The following AP3S1 variants were observed in gnomAD, a reference collection of about 807,000 sequenced individuals.
AP3S1 encodes the protein adaptor related protein complex 3 subunit sigma 1.
AP3S1 carries 12 observed loss-of-function variants against 21.3 expected under a neutral mutation model. That is an observed-to-expected ratio of 0.56 (90% CI 0.36 to 0.91). The LOEUF (loss-of-function observed/expected upper bound fraction) is 0.91. AP3S1 is among the 40% of genes least tolerant of loss of function. The pLI is 0.01. For synonymous variants in AP3S1, 48 were observed against 78.4 expected (o/e 0.61, Z 2.05); for missense variants, 116 against 225.0 (o/e 0.52, Z 3.10).
intron 2 of AP3S1, among the ~76,000 whole-genome samples, chr5:115,869,435 T>A (rs1354115871): frequency 1.3e-5 from 2 of 152,194 alleles, no homozygotes; most frequent in Non-Finnish European, 2.9e-5. Context: ...AATTTCCGCC[T>A]ACTTCTCTGA....
At chr5:115,866,035 A>G (rs774889135) in intron 1 of AP3S1, among the ~76,000 whole-genome samples, 1 of 152,084 alleles carries the variant, frequency 6.6e-6, no homozygotes. Flanking sequence ...TGACCTTGTG[A>G]TCCACCCATC....
chr5:115,866,797 G>T, intron 2 of AP3S1, 36 bp downstream of exon 2: 1 of 1,429,868 alleles, frequency 7.0e-7, no homozygotes, highest in South Asian at 1.3e-5. Context: ...TCTAAGTTTT[G>T]ACTATGTGAT....
At chr5:115,851,444 C>A (rs189715852) in intron 1 of AP3S1, among the ~76,000 whole-genome samples, 132 of 152,232 alleles carry the variant, frequency 8.7e-4, no homozygotes, top group Non-Finnish European at 1.6e-3. Flanking sequence ...ACATTCCCAC[C>A]AGCAATGCAC....
rs370563014 is a variant in AP3S1, at chr5:115,879,995, G to C, written c.273+9867G>C. ...CTAGATTTTCTAGTTTATTTGCGTA[G>C]AGTTGTTTATAGTATTCTCTGATGG... On this transcript the variant is annotated intron_variant, in intron 3 of 5. Transcript: ENST00000316788. Among the ~76,000 whole-genome samples the C allele has an allele frequency of 1.8e-4, 27 of 152,338 alleles. No homozygotes were observed. In the East Asian group the frequency reaches 2.7e-3, roughly 15 times the overall value.
chr5:115,874,818 AG>A (rs146748530), intron 3 of AP3S1, among the ~76,000 whole-genome samples: 1 of 151,924 alleles, frequency 6.6e-6, no homozygotes, highest in South Asian at 2.1e-4. Flanking sequence ...TACAGACAAG[AG>A]GTTGTTAGAA....
At chr5:115,861,217 A>T (rs1280785800) in intron 1 of AP3S1, among the ~76,000 whole-genome samples, 1 of 152,228 alleles carries the variant, frequency 6.6e-6, no homozygotes, top group Non-Finnish European at 1.5e-5. Flanking sequence ...GCTGTGTCTT[A>T]GAAAGGGTGT....
intron 1 of AP3S1, among the ~76,000 whole-genome samples, chr5:115,860,789 C>A (rs1763116738): frequency 6.6e-6 from 1 of 152,094 alleles, no homozygotes; most frequent in Non-Finnish European, 1.5e-5. Context: ...TTAATATTGT[C>A]TTAGCTGGGG....
intron 5 of AP3S1, among the ~76,000 whole-genome samples, chr5:115,912,612 T>A (rs193097451): frequency 6.6e-5 from 10 of 152,188 alleles, no homozygotes; most frequent in African/African-American, 2.2e-4. Flanking sequence ...TATGCTTTTC[T>A]TTCTCTAAAT....
In AP3S1 at chr5:115,866,650, T is replaced by C. The variant is rs754207611; in HGVS notation, c.70-20T>C. ...AACCTATACACTCCATCCTAATATA[T>C]ATGAATTATTCTTCCTCAGAGTGAA... On this transcript the variant is annotated intron_variant, in intron 1 of 5. Coordinates refer to ENST00000316788, the MANE Select transcript of AP3S1 (RefSeq NM_001284.4). 6.6e-7 allele frequency: 1 copy of C among 1,525,638 alleles called. No individual in the cohort carries two copies. The highest frequency in any genetic ancestry group is 9.0e-7 in the Non-Finnish European group (1 of 1,111,500). The allele number at this position is 1,525,638 out of a possible 1,614,324, so 94.5% of individuals were successfully genotyped here. A position where few individuals can be genotyped will look rare whatever the true frequency, so the allele number is the denominator to read the frequency against.
At chr5:115,912,649 TG>T in intron 5 of AP3S1, among the ~76,000 whole-genome samples, 1 of 152,198 alleles carries the variant, frequency 6.6e-6, no homozygotes, top group Middle Eastern at 3.4e-3. Flanking sequence ...GAATATATGT[TG>T]CTGAATCTAT....
rs142126735 is a variant in AP3S1 at position 115,868,571 on chromosome 5, T to G, written c.162-1446T>G. 2.6e-5 allele frequency among the ~76,000 whole-genome samples: 4 copies of G among 152,234 alleles called. No individual in the cohort carries two copies. The East Asian group carries it at 7.8e-4, about 30-fold the overall frequency. On this transcript the variant is annotated intron_variant, in intron 2 of 5. Transcript: ENST00000316788. Reference sequence around the variant, plus strand: ...TTCTACAGAACTTATAAGTTTAGTATTATTTTTACTGTGTAAGAAATAGAT... The same window carrying G: ...TTCTACAGAACTTATAAGTTTAGTAGTATTTTTACTGTGTAAGAAATAGAT...
intron 1 of AP3S1, among the ~76,000 whole-genome samples, chr5:115,846,130 C>T (rs17138316): frequency 2.3e-4 from 35 of 152,054 alleles, no homozygotes; most frequent in Middle Eastern, 3.4e-3. Flanking sequence ...AAAATCCCTT[C>T]GGTTGTGATT....
At chr5:115,913,271 C>A (rs986764805) in intron 5 of AP3S1, 91 bp from the exon 6 acceptor site, 16 of 965,238 alleles carry the variant, frequency 1.7e-5, no homozygotes, top group Middle Eastern at 2.8e-4. Context: ...ATATGAAAAT[C>A]TTTTATCATT....
At chr5:115,891,037 A>G (rs1750256988) in intron 3 of AP3S1, among the ~76,000 whole-genome samples, 1 of 152,206 alleles carries the variant, frequency 6.6e-6, no homozygotes, top group South Asian at 2.1e-4. Flanking sequence ...AGTCTGTTGT[A>G]TCAAAGAGGA....
chr5:115,877,353 C>A (rs895030954), intron 3 of AP3S1, among the ~76,000 whole-genome samples: 1 of 152,076 alleles, frequency 6.6e-6, no homozygotes. Flanking sequence ...CCTCCCCTAG[C>A]CCTCCACCCC....
intron 2 of AP3S1, 110 bp downstream of exon 2, chr5:115,866,871 G>C: frequency 1.9e-6 from 1 of 525,416 alleles, no homozygotes; most frequent in Non-Finnish European, 3.1e-6. Context: ...ATTGGATTAG[G>C]TGAATTAATT....
chr5:115,889,011 C>T (rs1750039709), intron 3 of AP3S1, among the ~76,000 whole-genome samples: 1 of 152,164 alleles, frequency 6.6e-6, no homozygotes, highest in African/African-American at 2.4e-5. Context: ...GCATGTATGT[C>T]TTCCTGGTTT....
At chr5:115,910,953 T>C (rs1318322316) in intron 5 of AP3S1, among the ~76,000 whole-genome samples, 1 of 152,188 alleles carries the variant, frequency 6.6e-6, no homozygotes, top group Non-Finnish European at 1.5e-5. Flanking sequence ...CATTTGCGTG[T>C]TCTGAATAGT....
chr5:115,855,019 A>ACATC (rs1762699857), intron 1 of AP3S1, among the ~76,000 whole-genome samples: 1 of 147,442 alleles, frequency 6.8e-6, no homozygotes, highest in Non-Finnish European at 1.5e-5. Flanking sequence ...TATATATTTT[A>ACATC]TATCTATCTA....
Sources: gnomAD v4.1 joint callset for allele counts (sites outside exome capture counted in the v4.1 genomes callset) on GRCh38, gnomAD v4.1.1 for gene constraint, MANE v1.5 for transcripts, NCBI Gene and HGNC (gene_info 2026-07-23, HGNC 2026-07-21) for gene names.